Variants in CFAP251 observed in about 807,000 individuals in gnomAD.
CFAP251 encodes cilia- and flagella-associated protein 251.
In CFAP251, 93 loss-of-function variants were observed where a neutral mutation model predicts 126.7. That is an observed-to-expected ratio of 0.73 (90% CI 0.62 to 0.87). CFAP251 has a LOEUF of 0.87. Ranked by LOEUF, CFAP251 falls within the 40% of genes least tolerant of loss-of-function variation. The pLI, the probability that CFAP251 is intolerant of heterozygous loss-of-function variation, is 0.00. For missense variants in CFAP251, 1,287 were observed against 1,389.2 expected (o/e 0.93, Z 1.17); for synonymous variants, 503 against 506.9 (o/e 0.99, Z 0.10).
intron 12 of CFAP251, 129 bp downstream of exon 12, chr12:121,958,651 T>C: frequency 7.0e-7 from 1 of 1,422,912 alleles, no homozygotes; most frequent in Non-Finnish European, 9.6e-7. Flanking sequence ...ATGAGGCGCC[T>C]TCTCTCTGGG....
intron 4 of CFAP251, chr12:121,933,224 A>G (rs918238043): frequency 3.9e-5 from 6 of 152,260 alleles, no homozygotes; most frequent in Non-Finnish European, 8.8e-5. Context: ...GAGAAGACTT[A>G]ACTTTAGATT....
intron 17 of CFAP251, among the ~76,000 whole-genome samples, chr12:121,972,252 A>G (rs945568184): frequency 6.6e-6 from 1 of 152,214 alleles, no homozygotes; most frequent in Non-Finnish European, 1.5e-5. Context: ...AAGATGTGGG[A>G]AGGTTTGGAA....
At chr12:121,947,687 G>A (rs765207564) in intron 7 of CFAP251, 7 of 152,114 alleles carry the variant, frequency 4.6e-5, no homozygotes, top group Non-Finnish European at 7.4e-5. Flanking sequence ...AGATGACTTC[G>A]TCCAAAGAAG....
chr12:121,943,114 G>A lies in CFAP251; in HGVS notation c.1191+139G>A, dbSNP rs999585022. On this transcript the variant is annotated intron_variant, in intron 7 of 21. Transcript: ENST00000288912. ...TATCACTTGAGGTCAGGAGTTCAAG[G>A]CCAGCCTGGCCAACACAGTGAAACC... 1.4e-5 allele frequency: 11 copies of A among 788,710 alleles called. No homozygotes were observed. The South Asian group carries it at 1.9e-4, about 13-fold the overall frequency. The allele number at this position is 788,710 out of a possible 1,614,324, so 48.9% of individuals were successfully genotyped here. A position where few individuals can be genotyped will look rare whatever the true frequency, so the allele number is the denominator to read the frequency against.
chr12:121,925,969 C>G (rs1459490299), intron 3 of CFAP251, among the ~76,000 whole-genome samples: 1 of 151,806 alleles, frequency 6.6e-6, no homozygotes, highest in Non-Finnish European at 1.5e-5. Flanking sequence ...CTCAGCCTCC[C>G]GAGTAGCTGG....
intron 19 of CFAP251, among the ~76,000 whole-genome samples, chr12:121,980,926 C>T (rs1002117447): frequency 5.9e-5 from 9 of 152,204 alleles, no homozygotes; most frequent in African/African-American, 9.6e-5. Context: ...GTCTGAACGC[C>T]GGAGTCTGCT....
rs780076410 is a variant in CFAP251 at position 121,942,943 on chromosome 12, ACTCTCGAACTCCC to A, written c.1161_1173del (p.Leu388GlnfsTer20). 3.1e-6 allele frequency: 5 copies of A among 1,613,932 alleles called. No individual in the cohort carries two copies. In the Admixed American group the frequency reaches 8.3e-5, roughly 27 times the overall value. ...TTTGGCAGTGGAAACGCCAGCATGC[ACTCTCGAACTCCC>A]CACAGAGTACGGTGTTCAGGTGAGT... On this transcript the variant is annotated frameshift_variant, in exon 7 of 22. Coordinates refer to ENST00000288912, the MANE Select transcript of CFAP251 (RefSeq NM_144668.6). LOFTEE classifies it high-confidence loss of function.
intron 15 of CFAP251, 78 bp from the exon 16 acceptor site, chr12:121,966,877 C>A: frequency 7.1e-7 from 1 of 1,408,260 alleles, no homozygotes; most frequent in Non-Finnish European, 9.9e-7. Flanking sequence ...AGCCACTGCG[C>A]CTGGCCCGAC....
intron 15 of CFAP251, among the ~76,000 whole-genome samples, chr12:121,965,626 C>T (rs530670704): frequency 1.9e-4 from 29 of 151,768 alleles, no homozygotes; most frequent in African/African-American, 6.5e-4. Context: ...TGTGTAATGA[C>T]GTGGAAATAT....
At chr12:121,967,626 C>T (rs1228326863) in intron 16 of CFAP251, among the ~76,000 whole-genome samples, 2 of 152,082 alleles carry the variant, frequency 1.3e-5, no homozygotes, top group African/African-American at 2.4e-5. Context: ...GGCATGAACC[C>T]GGGAGGCGGA....
intron 10 of CFAP251, among the ~76,000 whole-genome samples, chr12:121,954,825 A>C (rs920051522): frequency 1.3e-5 from 2 of 152,030 alleles, no homozygotes; most frequent in East Asian, 3.9e-4. Flanking sequence ...CATTTATACT[A>C]ATTGGATTTT....
At position 121,921,653 on chromosome 12, in the gene CFAP251, T is replaced by C; in HGVS notation, c.348T>C (p.Asp116=). Residue 116 remains aspartate, a synonymous_variant, in exon 2 of 22, where the codon GAT becomes GAC. Coordinates refer to ENST00000288912, the MANE Select transcript of CFAP251 (RefSeq NM_144668.6). ...SMIRLETQIT[D]SQSITSGIFP... ...TCCGTTTGGAGACACAGATTACTGA[T>C]TCCCAGTCAATCACATCAGGAATTT... The C allele has an allele frequency of 6.2e-7, 1 of 1,608,816 alleles. No individual in the cohort carries two copies.
chr12:121,982,922 C>T (rs569717450), intron 19 of CFAP251, among the ~76,000 whole-genome samples: 11 of 151,710 alleles, frequency 7.3e-5, no homozygotes, highest in Non-Finnish European at 1.2e-4. Flanking sequence ...GGCAACATAG[C>T]GAGACCCCGA....
intron 19 of CFAP251, chr12:121,992,579 T>C: frequency 4.7e-6 from 4 of 852,428 alleles, no homozygotes; most frequent in Non-Finnish European, 5.6e-6. Context: ...TTCTTTTTTT[T>C]TTCTTTTTCA....
In CFAP251 at chr12:121,954,108, C is replaced by T; in HGVS notation, c.1321-12C>T. On this transcript the variant is annotated splice_polypyrimidine_tract_variant and intron_variant, in intron 9 of 21. Coordinates refer to ENST00000288912, the MANE Select transcript of CFAP251 (RefSeq NM_144668.6). ...ATTACCAACAGTAACTATAACCTTT[C>T]TTTTGAAACAGACCTTCAACAAGCT... The T allele has an allele frequency of 2.5e-6, 4 of 1,610,554 alleles. No homozygotes were observed. The highest frequency in any genetic ancestry group is 3.4e-6 in the Non-Finnish European group (4 of 1,177,338).
At chr12:121,986,714 T>C (rs1882757774) in intron 19 of CFAP251, among the ~76,000 whole-genome samples, 2 of 149,770 alleles carry the variant, frequency 1.3e-5, no homozygotes, top group African/African-American at 4.9e-5. Context: ...CAGTGAGCCA[T>C]GATTGCACCA....
At chr12:121,987,556 A>G (rs1392907135) in intron 19 of CFAP251, among the ~76,000 whole-genome samples, 2 of 151,904 alleles carry the variant, frequency 1.3e-5, no homozygotes. Context: ...CTCTACTAAA[A>G]ATACAAAAAT....
chr12:121,985,639 A>T (rs1882729158), intron 19 of CFAP251, among the ~76,000 whole-genome samples: 2 of 151,768 alleles, frequency 1.3e-5, no homozygotes, highest in South Asian at 4.1e-4. Flanking sequence ...AATATATATA[A>T]ATATTGAGAT....
At chr12:121,971,437 T>TAGG in intron 17 of CFAP251, 1 of 673,750 alleles carries the variant, frequency 1.5e-6, no homozygotes, top group Non-Finnish European at 2.7e-6. Context: ...AAGAAAGGTG[T>TAGG]AGGAGTGTGC....
Sources: gnomAD v4.1 joint callset for allele counts (sites outside exome capture counted in the v4.1 genomes callset) on GRCh38, gnomAD v4.1.1 for gene constraint, MANE v1.5 for transcripts, NCBI Gene and HGNC (gene_info 2026-07-23, HGNC 2026-07-21) for gene names.